Variants in ZNF638 observed in about 807,000 individuals in gnomAD.
ZNF638 encodes zinc finger protein 638, also known as CTCL tumor antigen se33-1.
Under a neutral mutation model 195.6 loss-of-function variants are expected in ZNF638, and 46 were observed. The observed-to-expected ratio is 0.24, with a 90% CI of 0.19 to 0.30. The LOEUF is 0.30. ZNF638 is among the 10% of genes least tolerant of loss of function. The pLI is 1.00. For missense variants in ZNF638, 2,440 were observed against 2,325.3 expected (o/e 1.05, Z -1.01); for synonymous variants, 845 against 772.0 (o/e 1.09, Z -1.57).
intron 19 of ZNF638, 72 bp downstream of exon 19, chr2:71,406,334 T>G (rs2080104821): frequency 7.4e-6 from 10 of 1,354,422 alleles, no homozygotes; most frequent in Non-Finnish European, 1.0e-5. Context: ...TCTGACAATC[T>G]GCAACTTCTG....
chr2:71,424,541 G>A, intron 22 of ZNF638, 109 bp from the exon 23 acceptor site: 1 of 813,254 alleles, frequency 1.2e-6, no homozygotes, highest in Non-Finnish European at 2.0e-6. Flanking sequence ...ATAATTGACT[G>A]TATTTGGGTA....
At chr2:71,430,975 T>A (rs1192142679) in intron 25 of ZNF638, 2 of 164,294 alleles carry the variant, frequency 1.2e-5, no homozygotes, top group Admixed American at 6.1e-5. Flanking sequence ...CAATTTCTGC[T>A]GGTATCCTTT....
chr2:71,412,133 A>C (rs2152590184), intron 20 of ZNF638, among the ~76,000 whole-genome samples: 1 of 92,976 alleles, frequency 1.1e-5, no homozygotes, highest in South Asian at 4.7e-4. Context: ...CCTCTCCAGC[A>C]CCGGTTGTTT....
At chr2:71,424,346 C>T (rs532655693) in intron 22 of ZNF638, among the ~76,000 whole-genome samples, 2 of 151,556 alleles carry the variant, frequency 1.3e-5, no homozygotes, top group African/African-American at 4.8e-5. Flanking sequence ...TACCACTCTG[C>T]TTCTGAATGG....
At chr2:71,387,836 A>T (rs536615109) in intron 10 of ZNF638, among the ~76,000 whole-genome samples, 1 of 152,220 alleles carries the variant, frequency 6.6e-6, no homozygotes, top group African/African-American at 2.4e-5. Flanking sequence ...GTATTAATGC[A>T]TAAGTATTTT....
At chr2:71,411,322 T>G (rs2080217592) in intron 20 of ZNF638, among the ~76,000 whole-genome samples, 1 of 151,644 alleles carries the variant, frequency 6.6e-6, no homozygotes, top group East Asian at 1.9e-4. Context: ...CTATTATTAT[T>G]TTTTGATTTA....
At chr2:71,387,429 C>T (rs912770666) in intron 10 of ZNF638, among the ~76,000 whole-genome samples, 9 of 151,840 alleles carry the variant, frequency 5.9e-5, no homozygotes, top group Admixed American at 3.3e-4. Flanking sequence ...CCAGCACTTT[C>T]GGAGGCCAAG....
intron 6 of ZNF638, among the ~76,000 whole-genome samples, chr2:71,367,425 G>GT (rs1334358191): frequency 8.5e-6 from 1 of 117,344 alleles, no homozygotes; most frequent in Non-Finnish European, 1.7e-5. Context: ...CCAGCTGGGT[G>GT]TTTTAATTTT....
intron 8 of ZNF638, among the ~76,000 whole-genome samples, chr2:71,377,234 A>G (rs2079447456): frequency 6.6e-6 from 1 of 152,204 alleles, no homozygotes; most frequent in South Asian, 2.1e-4. Context: ...CCCTATCTCA[A>G]CAAAAGGGAG....
Position 71,423,790 on chromosome 2 carries a change from A to C in ZNF638, c.4276A>C (p.Ile1426Leu). ...SFPKSVPRDQINAEKKLSAKE... is the reference protein window; with the variant it reads ...SFPKSVPRDQLNAEKKLSAKE... ...TCCAAAATCTGTGCCCAGAGATCAA[A>C]TAAATGCTGAAAAGAAACTTTCAGC... Residue 1426 changes from isoleucine to leucine, a missense_variant, in exon 22 of 28, where the codon ATA becomes CTA. Physicochemically the swap from Ile to Leu is conservative, Grantham distance 5. Around this residue, in one of 5 missense-constraint regions of ZNF638, gnomAD observed 1,883 missense variants for 1,739.1 expected, o/e 1.08. Transcript: ENST00000264447. The C allele has an allele frequency of 1.2e-6, 2 of 1,614,060 alleles. No individual in the cohort carries two copies. The highest frequency in any genetic ancestry group is 1.7e-6 in the Non-Finnish European group (2 of 1,180,010).
chr2:71,332,640 C>T (rs1245622388), intron 1 of ZNF638, among the ~76,000 whole-genome samples: 1 of 152,090 alleles, frequency 6.6e-6, no homozygotes, highest in African/African-American at 2.4e-5. Context: ...TAGCTTGGGC[C>T]CCGTTCTCTT....
rs570252422 is a variant in ZNF638, at chr2:71,434,691, T to C, written c.5872-51T>C. ...TATACAGTAGATAAGTTTGCACACA[T>C]AGCAAAATAACGTCTAATAAGTATT... On this transcript the variant is annotated intron_variant, in intron 27 of 27. Transcript: ENST00000264447. 98 of 1,511,666 alleles carry C rather than the reference T, an allele frequency of 6.5e-5. 3 individuals are homozygous for C. In the South Asian group the frequency reaches 1.1e-3, roughly 17 times the overall value. The allele number at this position is 1,511,666 out of a possible 1,614,324, so 93.6% of individuals were successfully genotyped here. A position where few individuals can be genotyped will look rare whatever the true frequency, so the allele number is the denominator to read the frequency against.
chr2:71,405,654 A>G lies in ZNF638; in HGVS notation c.3000+12A>G, dbSNP rs750999501. 3 of 1,539,288 alleles carry G rather than the reference A, an allele frequency of 1.9e-6. No homozygotes were observed. Among genetic ancestry groups the G allele is most frequent in the Non-Finnish European group, 1.8e-6 (2 of 1,131,430 alleles). Reference sequence around the variant, plus strand: ...AAAATGACCCAGAGGTAAGTTTTGCATTTAAATGCTTTTGTATACTTATTT... The same window carrying G: ...AAAATGACCCAGAGGTAAGTTTTGCGTTTAAATGCTTTTGTATACTTATTT... On this transcript the variant is annotated intron_variant, in intron 18 of 27. Coordinates refer to ENST00000264447, the MANE Select transcript of ZNF638 (RefSeq NM_014497.5).
intron 1 of ZNF638, among the ~76,000 whole-genome samples, chr2:71,334,066 G>A (rs1367525555): frequency 6.6e-6 from 1 of 152,080 alleles, no homozygotes; most frequent in Non-Finnish European, 1.5e-5. Context: ...CTTTTTACAT[G>A]CCTTTCTTGT....
intron 1 of ZNF638, among the ~76,000 whole-genome samples, chr2:71,345,468 T>C (rs2078835129): frequency 6.6e-6 from 1 of 152,170 alleles, no homozygotes; most frequent in South Asian, 2.1e-4. Flanking sequence ...AACAGCTCAG[T>C]GCAGCCTTGA....
chr2:71,375,407 C>CT, intron 8 of ZNF638: 1 of 152,270 alleles, frequency 6.6e-6, no homozygotes, highest in Admixed American at 6.5e-5. Flanking sequence ...TAGAATGTAT[C>CT]TTTCATCCTC....
Position 71,408,223 on chromosome 2 carries a change from A to G in ZNF638, c.3237A>G (p.Leu1079=), listed in dbSNP as rs1380778033. The G allele has an allele frequency of 6.2e-7, 1 of 1,611,984 alleles. No homozygotes were observed. Among genetic ancestry groups the G allele is most frequent in the Non-Finnish European group, 8.5e-7 (1 of 1,179,206 alleles). The change falls in exon 20 of 28, where the codon TTA becomes TTG. Residue 1079 remains leucine, a synonymous_variant. Transcript: ENST00000264447. ...NIGDHMLTCS[L]SPKIDLPEVQ... ...GTGACCATATGTTGACCTGCTCATT[A>G]TCTCCAAAGATAGACTTACCAGAGG... is the stretch of plus-strand genomic sequence containing the variant.
In ZNF638 at chr2:71,426,600, T is replaced by TA; in HGVS notation, c.4733dup (p.Asn1578LysfsTer16). On this transcript the variant is annotated frameshift_variant, in exon 24 of 28. Transcript: ENST00000264447. LOFTEE classifies it high-confidence loss of function. ...TCAAAAATGTTCCTTTCTCTGAACT[T>TA]AACTTAAAGAAGAAAAAGGGGAAAA... 6.2e-7 allele frequency: 1 copy of TA among 1,614,112 alleles called. No homozygotes were observed. The highest frequency in any genetic ancestry group is 1.3e-5 in the African/African-American group (1 of 75,044).
chr2:71,371,553 G>T (rs986817008), intron 8 of ZNF638, among the ~76,000 whole-genome samples: 9 of 152,186 alleles, frequency 5.9e-5, no homozygotes, highest in Non-Finnish European at 1.3e-4. Flanking sequence ...ACCGGGGTAA[G>T]ATGGTATCTC....
Sources: allele counts gnomAD v4.1 joint callset (sites outside exome capture counted in the v4.1 genomes callset), GRCh38; gene constraint gnomAD v4.1.1; regional missense constraint gnomAD v4.1.1; transcripts MANE v1.5; gene names NCBI Gene and HGNC (gene_info 2026-07-23, HGNC 2026-07-21).